The following ABCC4 variants were observed in gnomAD, a reference collection of about 807,000 sequenced individuals.
ABCC4 encodes the protein ATP-binding cassette sub-family C member 4.
In ABCC4, 102 loss-of-function variants were observed where a neutral mutation model predicts 168.5. That is an observed-to-expected ratio of 0.61 (90% CI 0.52 to 0.71). ABCC4 has a LOEUF of 0.71. Among genes scored for constraint, ABCC4 ranks in the 30% least tolerant of loss-of-function variants. The probability of loss-of-function intolerance (pLI) is 0.00; values close to 1 mark genes in which losing one functional copy is unlikely to be tolerated. For missense variants in ABCC4, 1,402 were observed against 1,605.8 expected (o/e 0.87, Z 2.17); for synonymous variants, 617 against 590.7 (o/e 1.04, Z -0.65).
At chr13:95,267,497 G>A (rs1444801981) in intron 1 of ABCC4, among the ~76,000 whole-genome samples, 1 of 152,102 alleles carries the variant, frequency 6.6e-6, no homozygotes, top group African/African-American at 2.4e-5. Context: ...TGTGAAAATG[G>A]ACTAATACAC....
chr13:95,039,583 A>T (rs1246915123), intron 29 of ABCC4, among the ~76,000 whole-genome samples: 1 of 152,182 alleles, frequency 6.6e-6, no homozygotes, highest in Non-Finnish European at 1.5e-5. Context: ...CCAGCAATGC[A>T]AACCTCAAAT....
chr13:95,209,287 G>T, intron 6 of ABCC4, 147 bp downstream of exon 6: 1 of 911,820 alleles, frequency 1.1e-6, no homozygotes, highest in South Asian at 1.9e-5. Flanking sequence ...TAAGGACAGA[G>T]GCCCCCTTGG....
At chr13:95,155,598 T>G (rs2036828789) in intron 19 of ABCC4, among the ~76,000 whole-genome samples, 1 of 152,170 alleles carries the variant, frequency 6.6e-6, no homozygotes, top group Non-Finnish European at 1.5e-5. Context: ...GTTTTTTTGT[T>G]ACACTGTTGA....
At chr13:95,071,917 A>C in intron 24 of ABCC4, 64 bp from the exon 25 acceptor site, 2 of 1,196,922 alleles carry the variant, frequency 1.7e-6, no homozygotes, top group Non-Finnish European at 2.2e-6. Context: ...ATGTTAAGAG[A>C]CTGTCAATGA....
chr13:95,261,946 A>AG lies in ABCC4; in HGVS notation c.75-14194_75-14193insC, dbSNP rs1180694650. ...GACCTTCTCTCCACACAAAAAAAAA[A>AG]AAATTTAATTGGCTGGGCACAGTGG... On this transcript the variant is annotated intron_variant, in intron 1 of 30. Transcript: ENST00000645237. Among the ~76,000 whole-genome samples the AG allele has an allele frequency of 2.0e-5, 3 of 152,152 alleles. No individual in the cohort carries two copies. In the East Asian group the frequency reaches 5.8e-4, roughly 29 times the overall value.
intron 30 of ABCC4, among the ~76,000 whole-genome samples, chr13:95,032,549 T>C (rs1004231243): frequency 2.5e-4 from 38 of 152,386 alleles, no homozygotes; most frequent in Non-Finnish European, 7.3e-5. Context: ...GCAAGGATAG[T>C]TCCTCACTTC....
At chr13:95,269,454 T>C (rs1419240432) in intron 1 of ABCC4, 2 of 163,030 alleles carry the variant, frequency 1.2e-5, no homozygotes, top group Non-Finnish European at 2.6e-5. Context: ...TATATATATA[T>C]ATATACACAC....
chr13:95,188,256 G>A (rs1464859972), intron 10 of ABCC4, among the ~76,000 whole-genome samples, 197 bp downstream of exon 10: 2 of 152,170 alleles, frequency 1.3e-5, no homozygotes, highest in Non-Finnish European at 2.9e-5. Flanking sequence ...GAAGAACCAA[G>A]GGAAACATGA....
At chr13:95,025,236 T>C (rs201375760) in intron 30 of ABCC4, among the ~76,000 whole-genome samples, 153 of 6,328 alleles carry the variant, frequency 0.024, no homozygotes, top group African/African-American at 0.065. Flanking sequence ...CACACACCCA[T>C]ACACACACAC....
intron 6 of ABCC4, among the ~76,000 whole-genome samples, chr13:95,208,283 G>A (rs548325378): frequency 2.3e-4 from 35 of 151,448 alleles, no homozygotes; most frequent in South Asian, 1.1e-3. Flanking sequence ...ATGAAGTGCT[G>A]GGGAGCAGAA....
rs538648140 is a variant in ABCC4, at chr13:95,276,827, T to C, written c.74+24414A>G. On this transcript the variant is annotated intron_variant, in intron 1 of 30. Coordinates refer to ENST00000645237, the MANE Select transcript of ABCC4 (RefSeq NM_005845.5). Reference sequence around the variant, plus strand: ...TGAGGCCAGGAGTCCGAGACCAGCCTGGCCAACATGGTGAAACTCTGTCTC... The same window carrying C: ...TGAGGCCAGGAGTCCGAGACCAGCCCGGCCAACATGGTGAAACTCTGTCTC... 5.9e-5 allele frequency among the ~76,000 whole-genome samples: 9 copies of C among 152,268 alleles called. No individual in the cohort carries two copies. The South Asian group carries it at 6.2e-4, about 11-fold the overall frequency.
intron 11 of ABCC4, among the ~76,000 whole-genome samples, chr13:95,181,658 CA>C (rs751735395): frequency 3.3e-5 from 5 of 152,206 alleles, no homozygotes; most frequent in Non-Finnish European, 7.3e-5. Context: ...CTCTAACCTT[CA>C]TGACAACCTG....
At chr13:95,053,065 G>A (rs2139264001) in intron 27 of ABCC4, 30 bp downstream of exon 27, 1 of 1,573,226 alleles carries the variant, frequency 6.4e-7, no homozygotes, top group Non-Finnish European at 8.8e-7. Flanking sequence ...GAGGCTAACA[G>A]ACTAAAGATA....
chr13:95,235,975 C>T (rs2039755496), intron 3 of ABCC4, among the ~76,000 whole-genome samples: 1 of 152,114 alleles, frequency 6.6e-6, no homozygotes, highest in South Asian at 2.1e-4. Flanking sequence ...AAATTAAAAT[C>T]CCACACCAAT....
chr13:95,226,710 T>C (rs540450629), intron 4 of ABCC4, among the ~76,000 whole-genome samples: 1 of 152,304 alleles, frequency 6.6e-6, no homozygotes, highest in South Asian at 2.1e-4. Flanking sequence ...TGGAGTCTTC[T>C]ACAAAGTGCC....
At chr13:95,158,071 C>CAA (rs35037278) in intron 19 of ABCC4, among the ~76,000 whole-genome samples, 2 of 84,680 alleles carry the variant, frequency 2.4e-5, no homozygotes, top group South Asian at 4.0e-4. Flanking sequence ...GACTCCGTCT[C>CAA]AAAAAAAAAA....
Position 95,021,049 on chromosome 13 carries a change from A to G in ABCC4, c.*526T>C. ...TACACACTCCCTACTACAATGTCAC[A>G]AACTTTTTCTTTTTGTTGTTCCTAT... is the stretch of plus-strand genomic sequence containing the variant. On this transcript the variant is annotated 3_prime_UTR_variant, in exon 31 of 31. Coordinates refer to ENST00000645237, the MANE Select transcript of ABCC4 (RefSeq NM_005845.5). 1 of 152,720 alleles carries G rather than the reference A, an allele frequency of 6.5e-6. No homozygotes were observed. The highest frequency in any genetic ancestry group is 1.9e-4 in the East Asian group (1 of 5,194). 9.5% of individuals were successfully genotyped at this position (152,720 alleles called of 1,614,324 possible). A position where few individuals can be genotyped will look rare whatever the true frequency, so the allele number is the denominator to read the frequency against.
Position 95,073,270 on chromosome 13 carries a change from G to A in ABCC4, c.2952C>T (p.Ser984=). ...ACATCCCCATGAGCGTGAGGGCATA[G>A]GACAGTGCCAAACCAACCTGCCCGG... The part of the protein sequence containing the change: ...LDAGQVGLAL[S]YALTLMGMFQ... The change falls in exon 24 of 31, where the codon TCC becomes TCT. Residue 984 remains serine, a synonymous_variant. Coordinates refer to ENST00000645237, the MANE Select transcript of ABCC4 (RefSeq NM_005845.5). The A allele has an allele frequency of 1.9e-6, 3 of 1,613,908 alleles. No homozygotes were observed. Among genetic ancestry groups the A allele is most frequent in the Non-Finnish European group, 2.5e-6 (3 of 1,179,896 alleles).
intron 1 of ABCC4, among the ~76,000 whole-genome samples, chr13:95,250,770 T>C (rs1030047855): frequency 1.4e-5 from 2 of 142,242 alleles, no homozygotes; most frequent in African/African-American, 5.2e-5. Flanking sequence ...TTTTTTTTTT[T>C]TTTTTTTTTT....
Sources: gnomAD v4.1 joint callset for allele counts (sites outside exome capture counted in the v4.1 genomes callset) on GRCh38, gnomAD v4.1.1 for gene constraint, MANE v1.5 for transcripts, NCBI Gene and HGNC (gene_info 2026-07-23, HGNC 2026-07-21) for gene names.